The following PTPRD variants were observed in gnomAD, a reference collection of about 807,000 sequenced individuals.
PTPRD encodes receptor-type tyrosine-protein phosphatase delta.
In PTPRD, 34 loss-of-function variants were observed where a neutral mutation model predicts 214.5. The observed-to-expected ratio is 0.16, with a 90% CI of 0.12 to 0.21. The LOEUF is 0.21. Ranked by LOEUF, PTPRD falls within the 10% of genes least tolerant of loss-of-function variation. The probability of loss-of-function intolerance (pLI) is 1.00; values close to 1 mark genes in which losing one functional copy is unlikely to be tolerated. For synonymous variants in PTPRD, 1,128 were observed against 845.7 expected (o/e 1.33, Z -5.79); for missense variants, 2,545 against 2,398.7 (o/e 1.06, Z -1.27).
chr9:8,518,877 T>C (rs894575873), intron 20 of PTPRD, among the ~76,000 whole-genome samples: 3 of 152,162 alleles, frequency 2.0e-5, no homozygotes, highest in Admixed American at 6.5e-5. Context: ...AACCTTAGTA[T>C]TAGCTGCAGT....
chr9:9,900,768 C>T (rs1454666986), intron 5 of PTPRD, among the ~76,000 whole-genome samples: 1 of 151,860 alleles, frequency 6.6e-6, no homozygotes, highest in Non-Finnish European at 1.5e-5. Flanking sequence ...TCCCGAGTAG[C>T]TGGAACTACA....
intron 7 of PTPRD, among the ~76,000 whole-genome samples, chr9:9,580,575 G>T (rs2154312793): frequency 7.9e-6 from 1 of 127,250 alleles, no homozygotes; most frequent in East Asian, 2.3e-4. Context: ...TTGAGACAGA[G>T]TCTTGCTCTG....
At chr9:9,613,127 C>T (rs112324284) in intron 7 of PTPRD, among the ~76,000 whole-genome samples, 1,209 of 39,048 alleles carry the variant, frequency 0.031, 86 homozygotes, top group African/African-American at 0.097. Context: ...CTGCAGTATA[C>T]ATACATACAT....
chr9:8,977,286 A>G (rs564470276), intron 11 of PTPRD, among the ~76,000 whole-genome samples: 9 of 152,216 alleles, frequency 5.9e-5, no homozygotes, highest in Middle Eastern at 3.4e-3. Context: ...CACAATTTCA[A>G]AGCATAACTT....
intron 2 of PTPRD, among the ~76,000 whole-genome samples, chr9:10,502,966 G>C: frequency 6.6e-6 from 1 of 151,820 alleles, no homozygotes; most frequent in Non-Finnish European, 1.5e-5. Flanking sequence ...TCTTTCCATT[G>C]CATTGTCCAT....
chr9:9,328,445 TA>T (rs1300083246), intron 9 of PTPRD, among the ~76,000 whole-genome samples: 2 of 152,002 alleles, frequency 1.3e-5, no homozygotes, highest in African/African-American at 2.4e-5. Context: ...CATTCCATCT[TA>T]TTATATTTCT....
At chr9:10,568,903 A>G (rs1257249969) in intron 2 of PTPRD, among the ~76,000 whole-genome samples, 1 of 152,196 alleles carries the variant, frequency 6.6e-6, no homozygotes, top group Non-Finnish European at 1.5e-5. Flanking sequence ...AATGGCAACA[A>G]AAGCCAAAAT....
At chr9:8,581,339 G>C (rs1176359329) in intron 14 of PTPRD, among the ~76,000 whole-genome samples, 1 of 152,214 alleles carries the variant, frequency 6.6e-6, no homozygotes, top group African/African-American at 2.4e-5. Flanking sequence ...AGAAAAGGGA[G>C]GACTGACAGA....
intron 5 of PTPRD, among the ~76,000 whole-genome samples, chr9:9,785,327 T>G (rs773967583): frequency 1.3e-5 from 2 of 152,006 alleles, no homozygotes; most frequent in Non-Finnish European, 2.9e-5. Flanking sequence ...CTACAGTATA[T>G]TTATTAGCTA....
chr9:9,660,162 G>A (rs894076549), intron 7 of PTPRD, among the ~76,000 whole-genome samples: 33 of 151,826 alleles, frequency 2.2e-4, no homozygotes, highest in East Asian at 1.9e-4. Flanking sequence ...TAATTCCCCC[G>A]TGGTCAAAAG....
intron 10 of PTPRD, among the ~76,000 whole-genome samples, chr9:9,056,086 A>T (rs1199135134): frequency 6.6e-6 from 1 of 152,164 alleles, no homozygotes; most frequent in African/African-American, 2.4e-5. Flanking sequence ...TACCAAGTGA[A>T]CATTATTGTT....
intron 9 of PTPRD, among the ~76,000 whole-genome samples, chr9:9,312,309 T>C (rs1399553012): frequency 1.3e-5 from 2 of 152,310 alleles, no homozygotes; most frequent in Non-Finnish European, 2.9e-5. Context: ...ACCATGTAAA[T>C]TCAACGCATA....
rs1477238874 is a variant in PTPRD, at chr9:10,374,274, T to C, written c.-599-33257A>G. Reference sequence around the variant, plus strand: ...GCAATTGTGTCAAAATACAGAAGTTTGAATTTGCAGGCAGGTGCAATGTAA... The same window carrying C: ...GCAATTGTGTCAAAATACAGAAGTTCGAATTTGCAGGCAGGTGCAATGTAA... On this transcript the variant is annotated intron_variant, in intron 2 of 45. Coordinates refer to ENST00000381196, the MANE Select transcript of PTPRD (RefSeq NM_002839.4). Among the ~76,000 whole-genome samples, 4 of 152,084 alleles carry C rather than the reference T, an allele frequency of 2.6e-5. No homozygotes were observed. In the South Asian group the frequency reaches 8.3e-4, roughly 31 times the overall value.
intron 7 of PTPRD, among the ~76,000 whole-genome samples, chr9:9,682,126 C>G (rs1016038257): frequency 6.6e-6 from 1 of 151,724 alleles, no homozygotes; most frequent in African/African-American, 2.4e-5. Flanking sequence ...TTAACACAAA[C>G]CTGGCACTAA....
At chr9:10,280,354 TAAACACCAC>T (rs955637672) in intron 3 of PTPRD, among the ~76,000 whole-genome samples, 1 of 134,462 alleles carries the variant, frequency 7.4e-6, no homozygotes, top group African/African-American at 3.6e-5. Context: ...TTTAAATACA[TAAACACCAC>T]ACACACACAC....
chr9:9,186,097 T>C (rs1368580532), intron 9 of PTPRD, among the ~76,000 whole-genome samples: 1 of 152,134 alleles, frequency 6.6e-6, no homozygotes, highest in Non-Finnish European at 1.5e-5. Context: ...AGTCCCATTT[T>C]ATTTTCTGGA....
At chr9:9,795,593 T>C (rs1014056121) in intron 5 of PTPRD, among the ~76,000 whole-genome samples, 3 of 152,192 alleles carry the variant, frequency 2.0e-5, no homozygotes, top group African/African-American at 4.8e-5. Context: ...TGCTAGATAA[T>C]GAAGCATATA....
intron 11 of PTPRD, among the ~76,000 whole-genome samples, chr9:8,813,234 A>G (rs758073506): frequency 1.1e-4 from 17 of 151,974 alleles, no homozygotes; most frequent in Non-Finnish European, 1.0e-4. Flanking sequence ...TGCATATGAG[A>G]CCAGACGAGG....
intron 2 of PTPRD, among the ~76,000 whole-genome samples, chr9:10,476,376 C>A (rs2031580941): frequency 6.6e-6 from 1 of 152,114 alleles, no homozygotes; most frequent in Non-Finnish European, 1.5e-5. Flanking sequence ...AGTGAACTCC[C>A]ATTCACAATT....
Sources: gnomAD v4.1 joint callset for allele counts (sites outside exome capture counted in the v4.1 genomes callset) on GRCh38, gnomAD v4.1.1 for gene constraint, MANE v1.5 for transcripts, NCBI Gene and HGNC (gene_info 2026-07-23, HGNC 2026-07-21) for gene names.